SSPN: variants seen among roughly 807,000 people sequenced by gnomAD.
The protein encoded by SSPN is K-ras oncogene-associated protein.
SSPN carries 15 observed loss-of-function variants against 19.1 expected under a neutral mutation model. The observed-to-expected ratio is 0.78, with a 90% CI of 0.52 to 1.21. The LOEUF is 1.21. SSPN is among the 50% of genes most tolerant of loss of function. The pLI is 0.00. For synonymous variants in SSPN, 147 were observed against 140.3 expected, an observed-to-expected ratio of 1.05 and a Z score of -0.34; for missense variants, 291 against 314.0, an observed-to-expected ratio of 0.93 and a Z score of 0.55.
At chr12:26,180,623 A>G (rs1191610521) in intron 1 of SSPN, 1 of 152,206 alleles carries the variant, frequency 6.6e-6, no homozygotes, top group Admixed American at 6.5e-5. Flanking sequence ...TTTAGCTTTA[A>G]AGTTCACTGT....
intron 1 of SSPN, among the ~76,000 whole-genome samples, chr12:26,151,201 A>G (rs892702635): frequency 2.3e-4 from 35 of 152,276 alleles, no homozygotes; most frequent in Admixed American, 5.9e-4. Context: ...CTTGGAAAAA[A>G]AAAATTGTGC....
At chr12:26,142,081 C>G (rs144797447) in intron 1 of SSPN, among the ~76,000 whole-genome samples, 151 of 152,226 alleles carry the variant, frequency 9.9e-4, no homozygotes, top group African/African-American at 3.5e-3. Flanking sequence ...AGAGAATACA[C>G]AGGTATTAAA....
chr12:26,205,144 C>A (rs1241424136), intron 1 of SSPN, among the ~76,000 whole-genome samples: 1 of 152,166 alleles, frequency 6.6e-6, no homozygotes, highest in Non-Finnish European at 1.5e-5. Context: ...TGCTTCTAAT[C>A]TTTGCAGAAA....
At chr12:26,128,431 A>G (rs1191621573) in intron 1 of SSPN, among the ~76,000 whole-genome samples, 5 of 152,206 alleles carry the variant, frequency 3.3e-5, no homozygotes, top group Non-Finnish European at 7.3e-5. Flanking sequence ...TAACTCTTAT[A>G]ATTTTGTACA....
intron 1 of SSPN, among the ~76,000 whole-genome samples, chr12:26,151,832 T>G (rs1369773713): frequency 6.6e-6 from 1 of 152,210 alleles, no homozygotes; most frequent in African/African-American, 2.4e-5. Context: ...CTAATCTTCC[T>G]CATGTGCCCC....
At chr12:26,177,120 A>G (rs1944689235) in intron 1 of SSPN, among the ~76,000 whole-genome samples, 1 of 152,216 alleles carries the variant, frequency 6.6e-6, no homozygotes, top group Non-Finnish European at 1.5e-5. Flanking sequence ...GCAAAGCTGA[A>G]TGATTGAATG....
intron 1 of SSPN, among the ~76,000 whole-genome samples, chr12:26,221,714 T>C (rs1326696523): frequency 6.6e-6 from 1 of 152,174 alleles, no homozygotes; most frequent in Non-Finnish European, 1.5e-5. Context: ...AAGAGGAAAG[T>C]CTTGGTAATT....
chr12:26,182,569 C>A (rs939199094), intron 1 of SSPN, among the ~76,000 whole-genome samples: 1 of 143,482 alleles, frequency 7.0e-6, no homozygotes, highest in Non-Finnish European at 1.6e-5. Flanking sequence ...CGTCTCCCTT[C>A]CCCTTCCCCT....
At chr12:26,208,683 A>C (rs573722857) in intron 1 of SSPN, among the ~76,000 whole-genome samples, 1 of 152,194 alleles carries the variant, frequency 6.6e-6, no homozygotes, top group East Asian at 1.9e-4. Flanking sequence ...CCATTTTCTA[A>C]AAATGTTAAA....
At position 26,208,015 on chromosome 12, in the gene SSPN, TGG is replaced by T. The variant is rs759014678; in HGVS notation, c.279+12065_279+12066del. Among the ~76,000 whole-genome samples, 58 of 89,598 alleles carry T rather than the reference TGG, an allele frequency of 6.5e-4. 1 individual carries two copies. Among genetic ancestry groups the T allele is most frequent in the African/African-American group, 2.3e-3 (56 of 24,266 alleles). The allele number at this position is 89,598 out of a possible 152,430, so 58.8% of individuals were successfully genotyped here. On this transcript the variant is annotated intron_variant, in intron 1 of 2. Transcript: ENST00000242729. ...ACCCTGTCTCAAAAGAAAGTGGTGG[TGG>T]TGGGGGGGGGGGATATATAACAGTT...
At chr12:26,127,424 T>G (rs1944372864) in intron 1 of SSPN, among the ~76,000 whole-genome samples, 1 of 152,216 alleles carries the variant, frequency 6.6e-6, no homozygotes, top group Non-Finnish European at 1.5e-5. Flanking sequence ...AGCTTTTTTC[T>G]GTTATCTCTT....
intron 1 of SSPN, among the ~76,000 whole-genome samples, chr12:26,163,022 T>A (rs1331896282): frequency 7.1e-6 from 1 of 141,796 alleles, no homozygotes; most frequent in Non-Finnish European, 1.5e-5. Flanking sequence ...AAGACGTGTG[T>A]GCTTCAAGAC....
At chr12:26,153,296 C>T (rs1944536434) in intron 1 of SSPN, among the ~76,000 whole-genome samples, 1 of 152,330 alleles carries the variant, frequency 6.6e-6, no homozygotes, top group South Asian at 2.1e-4. Context: ...TCTTATTAAG[C>T]ACTATCTATG....
At chr12:26,166,281 A>G (rs1944620799) in intron 1 of SSPN, among the ~76,000 whole-genome samples, 1 of 152,248 alleles carries the variant, frequency 6.6e-6, no homozygotes, top group South Asian at 2.1e-4. Context: ...AATAATAAAA[A>G]AAAGTATATG....
At chr12:26,183,464 A>G (rs1162964335) in intron 1 of SSPN, among the ~76,000 whole-genome samples, 1 of 152,216 alleles carries the variant, frequency 6.6e-6, no homozygotes, top group African/African-American at 2.4e-5. Flanking sequence ...TCAAAACTAA[A>G]TTCAATGAAT....
chr12:26,233,193 T>C lies in SSPN; in HGVS notation c.*2117T>C, dbSNP rs906898380. ...ATTAAGACTCTGTATATCCTTAAGGTGCTCTATGCTTTACCAGTAATTCAC... is the reference window on the plus strand; with the variant it reads ...ATTAAGACTCTGTATATCCTTAAGGCGCTCTATGCTTTACCAGTAATTCAC... On this transcript the variant is annotated 3_prime_UTR_variant, in exon 3 of 3. Transcript: ENST00000242729. The surrounding 1 kb of genome is among the most constrained non-coding windows in gnomAD (Gnocchi z 4.3). 1 of 152,084 alleles carries C rather than the reference T, an allele frequency of 6.6e-6. No homozygotes were observed. Among genetic ancestry groups the C allele is most frequent in the Non-Finnish European group, 1.5e-5 (1 of 68,012 alleles). 9.4% of individuals were successfully genotyped at this position (152,084 alleles called of 1,614,324 possible).
chr12:26,177,567 A>G (rs1466465), intron 1 of SSPN, among the ~76,000 whole-genome samples: 148,743 of 152,300 alleles, frequency 0.98, 72,722 homozygotes, highest in East Asian at 1. Context: ...GGAGCTCCTT[A>G]TTTTTGCCTC....
intron 2 of SSPN, among the ~76,000 whole-genome samples, chr12:26,228,771 A>G (rs1015729474): frequency 4.1e-4 from 62 of 152,186 alleles, no homozygotes; most frequent in African/African-American, 1.5e-3. Context: ...AATTGTTCAA[A>G]TATTCTTCCC....
intron 1 of SSPN, among the ~76,000 whole-genome samples, chr12:26,205,736 A>G (rs1013412680): frequency 2.0e-5 from 3 of 152,228 alleles, no homozygotes; most frequent in Non-Finnish European, 4.4e-5. Context: ...AGGCAAATGT[A>G]TGATCATAAA....
Sources: gnomAD v4.1 joint callset for allele counts (sites outside exome capture counted in the v4.1 genomes callset) on GRCh38, gnomAD v4.1.1 for gene constraint, Gnocchi (gnomAD v3.1) non-coding constraint, MANE v1.5 for transcripts, NCBI Gene and HGNC (gene_info 2026-07-23, HGNC 2026-07-21) for gene names.